THSD7B: variants seen among roughly 807,000 people sequenced by gnomAD.
THSD7B encodes the protein thrombospondin type-1 domain-containing protein 7B.
In THSD7B, 138 loss-of-function variants were observed where a neutral mutation model predicts 213.6. That is an observed-to-expected ratio of 0.65 (90% CI 0.56 to 0.74). The LOEUF (loss-of-function observed/expected upper bound fraction) is 0.74. THSD7B is among the 30% of genes least tolerant of loss of function. THSD7B has a pLI of 0.00. For synonymous variants in THSD7B, 742 were observed against 687.0 expected (o/e 1.08, Z -1.25); for missense variants, 1,931 against 1,991.5 (o/e 0.97, Z 0.58).
At chr2:137,015,653 G>A (rs984896660) in intron 2 of THSD7B, among the ~76,000 whole-genome samples, 2 of 152,136 alleles carry the variant, frequency 1.3e-5, no homozygotes, top group African/African-American at 4.8e-5. Flanking sequence ...GGTGCAGCTG[G>A]TGTTAAAAGA....
chr2:137,325,167 T>TTTTG (rs138322809), intron 12 of THSD7B, among the ~76,000 whole-genome samples: 3 of 151,680 alleles, frequency 2.0e-5, no homozygotes, highest in African/African-American at 4.9e-5. Flanking sequence ...TGTTTTTTGT[T>TTTTG]TTTTTGTTTT....
intron 1 of THSD7B, among the ~76,000 whole-genome samples, chr2:136,806,668 C>T (rs192100669): frequency 4.6e-5 from 7 of 152,296 alleles, no homozygotes; most frequent in Non-Finnish European, 7.4e-5. Flanking sequence ...AACTATGGCA[C>T]ATTTGACAGA....
chr2:137,539,162 G>C (rs145444494), intron 15 of THSD7B, among the ~76,000 whole-genome samples: 3 of 151,774 alleles, frequency 2.0e-5, no homozygotes, highest in Non-Finnish European at 3.0e-5. Context: ...ATAAATAAAA[G>C]CATCAGTAAT....
At chr2:137,131,008 G>A (rs1255021137) in intron 5 of THSD7B, among the ~76,000 whole-genome samples, 1 of 150,362 alleles carries the variant, frequency 6.7e-6, no homozygotes. Flanking sequence ...GTGTAAAAGT[G>A]TTCCTATTTC....
At chr2:137,343,575 T>TG (rs1006509881) in intron 12 of THSD7B, among the ~76,000 whole-genome samples, 4 of 151,720 alleles carry the variant, frequency 2.6e-5, no homozygotes, top group African/African-American at 7.3e-5. Context: ...TTGCTGTGCA[T>TG]GACCGTTCTG....
intron 10 of THSD7B, among the ~76,000 whole-genome samples, chr2:137,247,750 T>C (rs545659902): frequency 6.6e-6 from 1 of 152,136 alleles, no homozygotes; most frequent in African/African-American, 2.4e-5. Flanking sequence ...TGGAGTTACC[T>C]CTTGAGTTTT....
At position 137,241,770 on chromosome 2, in the gene THSD7B, G is replaced by C. The variant is rs578208749; in HGVS notation, c.2151-687G>C. ...TACTAAAAATACAAAAATTAGCCAGGCATGATGGTGCACCTGTAATCCCAG... is the reference window on the plus strand; with the variant it reads ...TACTAAAAATACAAAAATTAGCCAGCCATGATGGTGCACCTGTAATCCCAG... On this transcript the variant is annotated intron_variant, in intron 9 of 27. Coordinates refer to ENST00000409968, the MANE Select transcript of THSD7B (RefSeq NM_001316349.2). 1.4e-3 allele frequency among the ~76,000 whole-genome samples: 219 copies of C among 152,112 alleles called. 1 individual carries two copies. The highest frequency in any genetic ancestry group is 5.1e-3 in the African/African-American group (213 of 41,486).
At chr2:136,864,575 C>T (rs540435030) in intron 1 of THSD7B, among the ~76,000 whole-genome samples, 15 of 149,634 alleles carry the variant, frequency 1.0e-4, no homozygotes, top group East Asian at 7.9e-4. Context: ...TTTTTTGAGA[C>T]AGAGTCTCAC....
At chr2:137,356,340 A>G (rs1047465333) in intron 12 of THSD7B, among the ~76,000 whole-genome samples, 3 of 152,152 alleles carry the variant, frequency 2.0e-5, no homozygotes, top group African/African-American at 7.2e-5. Context: ...CTTAAAAATT[A>G]GATCTCTTTT....
At chr2:136,864,006 C>T (rs931378837) in intron 1 of THSD7B, among the ~76,000 whole-genome samples, 13 of 152,080 alleles carry the variant, frequency 8.5e-5, no homozygotes, top group South Asian at 8.3e-4. Flanking sequence ...TGCTGCATGA[C>T]GGAGGGAGAG....
At chr2:137,417,699 C>T (rs1686829116) in intron 14 of THSD7B, among the ~76,000 whole-genome samples, 1 of 152,150 alleles carries the variant, frequency 6.6e-6, no homozygotes, top group Non-Finnish European at 1.5e-5. Flanking sequence ...TCTCAAACTG[C>T]TGGAATTACA....
At chr2:137,595,786 A>G (rs995367039) in intron 17 of THSD7B, among the ~76,000 whole-genome samples, 3 of 151,950 alleles carry the variant, frequency 2.0e-5, no homozygotes, top group African/African-American at 7.2e-5. Flanking sequence ...TCAATCATGA[A>G]TGATTTATTA....
At chr2:137,150,589 C>T (rs1679797918) in intron 5 of THSD7B, among the ~76,000 whole-genome samples, 1 of 152,164 alleles carries the variant, frequency 6.6e-6, no homozygotes, top group South Asian at 2.1e-4. Context: ...TTCCTGAGGC[C>T]TCCCCAGCCC....
At position 137,677,081 on chromosome 2, in the gene THSD7B, A is replaced by C. The variant is rs1683719574; in HGVS notation, c.*476A>C. On this transcript the variant is annotated 3_prime_UTR_variant, in exon 28 of 28. Transcript: ENST00000409968. ...TTTTCTAGAGTTTACTTTGGTTTAA[A>C]GACTTTCAAATTGGATTGCCTATTT... The C allele has an allele frequency of 6.5e-6, 1 of 152,810 alleles. No homozygotes were observed. Among genetic ancestry groups the C allele is most frequent in the Admixed American group, 6.5e-5 (1 of 15,278 alleles). The allele number at this position is 152,810 out of a possible 1,614,324, so 9.5% of individuals were successfully genotyped here. A position where few individuals can be genotyped will look rare whatever the true frequency, so the allele number is the denominator to read the frequency against.
chr2:137,652,166 T>A (rs1683152050), intron 21 of THSD7B, among the ~76,000 whole-genome samples: 1 of 152,044 alleles, frequency 6.6e-6, no homozygotes, highest in Non-Finnish European at 1.5e-5. Context: ...CTACTATTAT[T>A]GTATTGAGAT....
chr2:136,915,759 C>T (rs1684338392), intron 2 of THSD7B, among the ~76,000 whole-genome samples: 1 of 152,168 alleles, frequency 6.6e-6, no homozygotes, highest in Non-Finnish European at 1.5e-5. Context: ...ACTCTGATTC[C>T]AGAGCCTGAG....
chr2:136,991,096 A>G (rs146354631), intron 2 of THSD7B, among the ~76,000 whole-genome samples: 17 of 152,370 alleles, frequency 1.1e-4, no homozygotes. Context: ...GAAAGGCTGT[A>G]CATTTTGCCT....
intron 1 of THSD7B, among the ~76,000 whole-genome samples, chr2:136,782,549 G>A (rs915081617): frequency 6.6e-6 from 1 of 152,074 alleles, no homozygotes; most frequent in African/African-American, 2.4e-5. Flanking sequence ...TGAAATTGCT[G>A]CGTAGCAAAG....
At chr2:137,088,864 G>T (rs1181743240) in intron 3 of THSD7B, among the ~76,000 whole-genome samples, 1 of 151,998 alleles carries the variant, frequency 6.6e-6, no homozygotes, top group Non-Finnish European at 1.5e-5. Flanking sequence ...ACAAACATTT[G>T]AAAAAATGTT....
Sources: allele counts gnomAD v4.1 joint callset (sites outside exome capture counted in the v4.1 genomes callset), GRCh38; gene constraint gnomAD v4.1.1; transcripts MANE v1.5; gene names NCBI Gene and HGNC (gene_info 2026-07-23, HGNC 2026-07-21).